ELMO1: variants seen among roughly 807,000 people sequenced by gnomAD.
The protein encoded by ELMO1 is engulfment and cell motility 1.
In ELMO1, 26 loss-of-function variants were observed where a neutral mutation model predicts 98.9. The ratio of observed to expected loss-of-function variants is 0.26; its 90% confidence interval spans 0.19 to 0.36. The LOEUF is 0.36. Ranked by LOEUF, ELMO1 falls within the 10% of genes least tolerant of loss-of-function variation. The pLI is 1.00. For synonymous variants in ELMO1, 346 were observed against 346.0 expected (o/e 1.00, Z 0.00); for missense variants, 627 against 935.2 (o/e 0.67, Z 4.30).
At chr7:36,882,780 T>C (rs1804587794) in intron 18 of ELMO1, among the ~76,000 whole-genome samples, 1 of 152,216 alleles carries the variant, frequency 6.6e-6, no homozygotes, top group South Asian at 2.1e-4. Flanking sequence ...CCAGAATTGG[T>C]TCTCAGAACA....
In ELMO1 at chr7:36,855,858, A is replaced by T; in HGVS notation, c.1984-107T>A. The T allele has an allele frequency of 1.6e-6, 2 of 1,282,946 alleles. No individual in the cohort carries two copies. Among genetic ancestry groups the T allele is most frequent in the Non-Finnish European group, 2.2e-6 (2 of 902,064 alleles). 79.5% of individuals were successfully genotyped at this position (1,282,946 alleles called of 1,614,324 possible). A position where few individuals can be genotyped will look rare whatever the true frequency, so the allele number is the denominator to read the frequency against. On this transcript the variant is annotated intron_variant, in intron 21 of 21. Transcript: ENST00000310758. This position sits in a 1 kb window ranked among gnomAD's most constrained non-coding sequence, Gnocchi z 4.2. ...CTCATCCCTCAGTAGGCTGTGCGCT[A>T]AGGGCTCTGCCTACTTCGTCATTTC... is the stretch of plus-strand genomic sequence containing the variant.
rs544004182 is a variant in ELMO1, at chr7:37,182,063, A to G, written c.1086+29323T>C. Among the ~76,000 whole-genome samples the G allele has an allele frequency of 2.4e-4, 37 of 151,984 alleles. 1 individual carries two copies. The highest frequency in any genetic ancestry group is 8.4e-4 in the African/African-American group (35 of 41,452). On this transcript the variant is annotated intron_variant, in intron 13 of 21. Transcript: ENST00000310758. ...AAACACATTTACATCCGTTTTGCCC[A>G]AACTTGGATCAGGCTTGGAAGGTAA...
At chr7:37,447,460 A>G (rs1490900075) in intron 1 of ELMO1, among the ~76,000 whole-genome samples, 2 of 151,464 alleles carry the variant, frequency 1.3e-5, no homozygotes, top group African/African-American at 2.4e-5. Flanking sequence ...CCGTCCAGGG[A>G]CTCTCAGAGC....
At chr7:37,154,682 T>C (rs189492012) in intron 13 of ELMO1, among the ~76,000 whole-genome samples, 1 of 152,280 alleles carries the variant, frequency 6.6e-6, no homozygotes, top group East Asian at 1.9e-4. Context: ...CAAATCTACA[T>C]TTGACTAGTG....
intron 1 of ELMO1, among the ~76,000 whole-genome samples, chr7:37,368,246 T>C (rs112919320): frequency 0.081 from 12,281 of 152,260 alleles, 623 homozygotes; most frequent in Middle Eastern, 0.12. Context: ...TCAGAAACTA[T>C]TAGGATTAAT....
chr7:37,300,947 C>G (rs911512387), intron 4 of ELMO1, among the ~76,000 whole-genome samples: 3 of 152,000 alleles, frequency 2.0e-5, no homozygotes, highest in Admixed American at 2.0e-4. Flanking sequence ...AATTTCAGCT[C>G]CTGTTATTGG....
intron 13 of ELMO1, among the ~76,000 whole-genome samples, chr7:37,194,835 T>G (rs559607499): frequency 6.6e-6 from 1 of 152,388 alleles, no homozygotes; most frequent in East Asian, 1.9e-4. Flanking sequence ...CTTTATAGTC[T>G]ATTTGTATGA....
intron 1 of ELMO1, among the ~76,000 whole-genome samples, chr7:37,442,441 C>T (rs1379365187): frequency 1.3e-5 from 2 of 152,228 alleles, no homozygotes; most frequent in Non-Finnish European, 2.9e-5. Context: ...CCCCTTCCAA[C>T]TGGTTCCTTC....
chr7:37,276,523 A>G (rs1796844080), intron 4 of ELMO1, among the ~76,000 whole-genome samples: 1 of 152,182 alleles, frequency 6.6e-6, no homozygotes, highest in South Asian at 2.1e-4. Context: ...AGGCAGGAGA[A>G]TGGCGTGAAC....
At chr7:37,227,249 T>C (rs1477257124) in intron 8 of ELMO1, among the ~76,000 whole-genome samples, 1 of 152,252 alleles carries the variant, frequency 6.6e-6, no homozygotes, top group Non-Finnish European at 1.5e-5. Context: ...CATAATCTTC[T>C]GCAGTTTATT....
intron 15 of ELMO1, among the ~76,000 whole-genome samples, chr7:37,082,241 G>C (rs7787136): frequency 1.3e-5 from 2 of 152,006 alleles, no homozygotes; most frequent in Non-Finnish European, 2.9e-5. Flanking sequence ...GAGGATGCTT[G>C]CATGGGAAAA....
intron 13 of ELMO1, among the ~76,000 whole-genome samples, chr7:37,169,939 T>C (rs1358486590): frequency 1.3e-5 from 2 of 152,198 alleles, no homozygotes; most frequent in Non-Finnish European, 2.9e-5. Flanking sequence ...CTCACTCTTG[T>C]CACCCAGGCT....
At chr7:37,445,602 G>A (rs778876201) in intron 1 of ELMO1, among the ~76,000 whole-genome samples, 3 of 126,062 alleles carry the variant, frequency 2.4e-5, no homozygotes, top group Non-Finnish European at 3.2e-5. Flanking sequence ...ACACCCAAAG[G>A]GGTTAAATTA....
At chr7:37,427,476 C>G (rs1804756709) in intron 1 of ELMO1, among the ~76,000 whole-genome samples, 1 of 152,124 alleles carries the variant, frequency 6.6e-6, no homozygotes, top group African/African-American at 2.4e-5. Context: ...GGAATATCAC[C>G]CTCCTTCAGA....
rs150631954 is a variant in ELMO1, at chr7:37,446,638, C to A, written c.-74+2037G>T. On this transcript the variant is annotated intron_variant, in intron 1 of 21. Coordinates refer to ENST00000310758, the MANE Select transcript of ELMO1 (RefSeq NM_014800.11). ...ACAGTAAGCATGACCATCACTAGAA[C>A]TGCCCATCTTCTTGCCCAATGACTG... is the stretch of plus-strand genomic sequence containing the variant. 1.5e-3 allele frequency among the ~76,000 whole-genome samples: 227 copies of A among 152,290 alleles called. 3 individuals are homozygous for A. Among genetic ancestry groups the A allele is most frequent in the African/African-American group, 5.3e-3 (222 of 41,560 alleles).
At chr7:37,282,142 T>C (rs879290850) in intron 4 of ELMO1, among the ~76,000 whole-genome samples, 5 of 152,232 alleles carry the variant, frequency 3.3e-5, no homozygotes, top group Non-Finnish European at 7.3e-5. Flanking sequence ...TGAAGAATTA[T>C]GCCTACTCAA....
chr7:37,073,024 T>C (rs565469414), intron 15 of ELMO1, among the ~76,000 whole-genome samples: 4 of 152,350 alleles, frequency 2.6e-5, no homozygotes, highest in African/African-American at 9.6e-5. Context: ...GCAACATCTA[T>C]CTAAGTAACT....
chr7:37,159,273 C>T (rs996816981), intron 13 of ELMO1, among the ~76,000 whole-genome samples: 3 of 152,178 alleles, frequency 2.0e-5, no homozygotes, highest in African/African-American at 4.8e-5. Flanking sequence ...GCACATTGTG[C>T]ACATGTACCC....
At chr7:36,913,879 T>G (rs1435962423) in intron 16 of ELMO1, among the ~76,000 whole-genome samples, 1 of 152,194 alleles carries the variant, frequency 6.6e-6, no homozygotes, top group Non-Finnish European at 1.5e-5. Flanking sequence ...TCTCTCAATA[T>G]AGGACTTGGT....
Sources: allele counts gnomAD v4.1 joint callset (sites outside exome capture counted in the v4.1 genomes callset), GRCh38; gene constraint gnomAD v4.1.1; non-coding constraint Gnocchi (gnomAD v3.1); transcripts MANE v1.5; gene names NCBI Gene and HGNC (gene_info 2026-07-23, HGNC 2026-07-21).